The following ADGRA2 variants were observed in gnomAD, a reference collection of about 807,000 sequenced individuals.
ADGRA2 encodes the protein G-protein coupled receptor 124.
Under a neutral mutation model 98.7 loss-of-function variants are expected in ADGRA2, and 61 were observed. The ratio of observed to expected loss-of-function variants is 0.62; its 90% CI spans 0.50 to 0.76. The LOEUF (loss-of-function observed/expected upper bound fraction) is 0.76, where lower values mean the gene tolerates loss of function less well. Among genes scored for constraint, ADGRA2 ranks in the 30% least tolerant of loss-of-function variants. ADGRA2 has a pLI of 0.00. For synonymous variants in ADGRA2, 858 were observed against 831.5 expected (o/e 1.03, Z -0.55); for missense variants, 1,712 against 1,860.0 (o/e 0.92, Z 1.46).
chr8:37,826,128 G>A (rs1037164967), intron 2 of ADGRA2, among the ~76,000 whole-genome samples: 7 of 152,162 alleles, frequency 4.6e-5, no homozygotes, highest in South Asian at 2.1e-4. Flanking sequence ...ACAAGTGAGC[G>A]GGGAGGGAAG....
In ADGRA2 at chr8:37,844,345, G is replaced by A; in HGVS notation, c.*1990G>A. ...ACTCCTGACTTTACTCCAGGACCCA[G>A]GGTCCAACTAATGGCAGAGCCCCTC... On this transcript the variant is annotated 3_prime_UTR_variant, in exon 19 of 19. Coordinates refer to ENST00000412232, the MANE Select transcript of ADGRA2 (RefSeq NM_032777.10). 4.8e-6 allele frequency: 5 copies of A among 1,041,218 alleles called. 1 individual carries two copies. The South Asian group carries it at 7.9e-5, about 17-fold the overall frequency. The allele number at this position is 1,041,218 out of a possible 1,614,324, so 64.5% of individuals were successfully genotyped here. A position where few individuals can be genotyped will look rare whatever the true frequency, so the allele number is the denominator to read the frequency against.
chr8:37,837,675 G>A, intron 13 of ADGRA2, 56 bp from the exon 14 acceptor site: 1 of 1,439,270 alleles, frequency 6.9e-7, no homozygotes, highest in South Asian at 1.2e-5. Context: ...TCCCGGCTGA[G>A]CCCACCTCCC....
Position 37,841,159 on chromosome 8 carries a change from A to C in ADGRA2, c.2821A>C (p.Ile941Leu). 1 of 1,612,638 alleles carries C rather than the reference A, an allele frequency of 6.2e-7. No individual in the cohort carries two copies. The change falls in exon 19 of 19, where the codon ATC (isoleucine) becomes CTC (leucine). Residue 941 changes from isoleucine to leucine, a missense_variant. Physicochemically the swap from Ile to Leu is conservative, Grantham distance 5. Transcript: ENST00000412232. The surrounding 1 kb of genome is among the most constrained non-coding windows in gnomAD (Gnocchi z 5.0). ...GGCTTTGATTCTGCTCATCACCTGG[A>C]TCTATTTCCTGTGCGCCGGGCTACG... ...PVALILLITW[I>L]YFLCAGLRLR...
chr8:37,834,914 A>C lies in ADGRA2; in HGVS notation c.1609-260A>C, dbSNP rs1262427517. On this transcript the variant is annotated intron_variant, in intron 11 of 18. Coordinates refer to ENST00000412232, the MANE Select transcript of ADGRA2 (RefSeq NM_032777.10). The surrounding 1 kb of genome is among the most constrained non-coding windows in gnomAD (Gnocchi z 4.2). Reference sequence around the variant, plus strand: ...TGGTAGCATGCCTGTAGTCCCAGATACTCAGGAGGCTGAGGTGGGAGGATT... The same window carrying C: ...TGGTAGCATGCCTGTAGTCCCAGATCCTCAGGAGGCTGAGGTGGGAGGATT... Among the ~76,000 whole-genome samples the C allele has an allele frequency of 6.6e-6, 1 of 151,864 alleles. No individual in the cohort carries two copies. The highest frequency in any genetic ancestry group is 1.5e-5 in the Non-Finnish European group (1 of 67,954).
At chr8:37,838,820 G>A (rs1805696623) in intron 14 of ADGRA2, 136 bp from the exon 15 acceptor site, 2 of 1,053,728 alleles carry the variant, frequency 1.9e-6, no homozygotes, top group African/African-American at 1.6e-5. Context: ...ACAGCCCGAA[G>A]CTTTCCTCCC....
chr8:37,833,682 C>G lies in ADGRA2; in HGVS notation c.1297-6C>G. The G allele has an allele frequency of 3.1e-6, 5 of 1,613,726 alleles. No individual in the cohort carries two copies. Among genetic ancestry groups the G allele is most frequent in the Non-Finnish European group, 4.2e-6 (5 of 1,179,670 alleles). On this transcript the variant is annotated splice_polypyrimidine_tract_variant and splice_region_variant and intron_variant, in intron 9 of 18. Transcript: ENST00000412232. ...AGATGATCCTCTCTCTTCCCCCAAT[C>G]CCCAGATGCCCATCAATGCCTCCAA... is the stretch of plus-strand genomic sequence containing the variant.
chr8:37,840,979 GTCCTTGTC>G lies in ADGRA2; in HGVS notation c.2748-103_2748-96del, dbSNP rs1805773107. The G allele has an allele frequency of 2.3e-5, 29 of 1,267,752 alleles. 3 individuals carry two copies. The South Asian group carries it at 3.9e-4, about 17-fold the overall frequency. 78.5% of individuals were successfully genotyped at this position (1,267,752 alleles called of 1,614,324 possible). On this transcript the variant is annotated intron_variant, in intron 18 of 18. Coordinates refer to ENST00000412232, the MANE Select transcript of ADGRA2 (RefSeq NM_032777.10). ...CAAGCCCATGCATGCTGACCAAGCCGTCCTTGTCTCCGTACTCACCATATCCTGTCTCC... is the reference window on the plus strand; with the variant it reads ...CAAGCCCATGCATGCTGACCAAGCCGTCCGTACTCACCATATCCTGTCTCC...
At position 37,842,596 on chromosome 8, in the gene ADGRA2, C is replaced by T; in HGVS notation, c.*241C>T. On this transcript the variant is annotated 3_prime_UTR_variant, in exon 19 of 19. Transcript: ENST00000412232. ...CCCGGGGCAGTCTGACTGTCGGTGC[C>T]CTCCCAGGAACGGGGAAGGCCTCCG... The T allele has an allele frequency of 1.7e-6, 1 of 586,162 alleles. No homozygotes were observed. Among genetic ancestry groups the T allele is most frequent in the Non-Finnish European group, 2.6e-6 (1 of 390,426 alleles). 36.3% of individuals were successfully genotyped at this position (586,162 alleles called of 1,614,324 possible).
At chr8:37,811,751 T>C (rs956125488) in intron 1 of ADGRA2, among the ~76,000 whole-genome samples, 1 of 151,590 alleles carries the variant, frequency 6.6e-6, no homozygotes, top group Non-Finnish European at 1.5e-5. Context: ...TCTGGGATTA[T>C]AGGTGTGAGC....
chr8:37,827,563 G>C, intron 2 of ADGRA2, among the ~76,000 whole-genome samples: 1 of 152,248 alleles, frequency 6.6e-6, no homozygotes, highest in Non-Finnish European at 1.5e-5. Flanking sequence ...CTCCAGGCCA[G>C]GCTTGGCCCC....
rs769059050 is a variant in ADGRA2, at chr8:37,829,264, T to G, written c.414T>G (p.Asp138Glu). ...FLGLGELKRL[D>E]LSNNRIGCLT... ...GAGGTTGCCTGTGTCTCTCTAGAGA[T>G]CTCTCCAACAACCGGATTGGCTGTC... The change falls in exon 4 of 19, where the codon GAT becomes GAG. Residue 138 changes from aspartate to glutamate, a missense_variant. Coordinates refer to ENST00000412232, the MANE Select transcript of ADGRA2 (RefSeq NM_032777.10). 2.5e-6 allele frequency: 4 copies of G among 1,612,780 alleles called. No homozygotes were observed. In the Admixed American group the frequency reaches 5.0e-5, roughly 20 times the overall value.
chr8:37,844,725 G>A lies in ADGRA2; in HGVS notation c.*2370G>A, dbSNP rs1375445675. 1.2e-6 allele frequency: 2 copies of A among 1,614,058 alleles called. No individual in the cohort carries two copies. The highest frequency in any genetic ancestry group is 3.3e-5 in the Admixed American group (2 of 60,008). ...CCGCTTCCCCTGGGGTAAACCTAAG[G>A]AATTATTTCCCACCTCCCCTTCTCC... On this transcript the variant is annotated 3_prime_UTR_variant, in exon 19 of 19. Transcript: ENST00000412232.
At position 37,841,937 on chromosome 8, in the gene ADGRA2, G is replaced by C. The variant is rs1805812336; in HGVS notation, c.3599G>C (p.Arg1200Pro). The C allele has an allele frequency of 6.6e-7, 1 of 1,513,868 alleles. No homozygotes were observed. Among genetic ancestry groups the C allele is most frequent in the African/African-American group, 1.4e-5 (1 of 69,972 alleles). 93.8% of individuals were successfully genotyped at this position (1,513,868 alleles called of 1,614,324 possible). A position where few individuals can be genotyped will look rare whatever the true frequency, so the allele number is the denominator to read the frequency against. Residue 1200 changes from arginine to proline, a missense_variant, in exon 19 of 19, where the codon CGG (arginine) becomes CCG (proline). By Grantham distance (103) the Arg-to-Pro change is moderately radical. Transcript: ENST00000412232. This position sits in a 1 kb window ranked among gnomAD's most constrained non-coding sequence, Gnocchi z 5.0. ...HRAGEACGKN[R>P]LKALRGGAAG... ...GCGGGGGAGGCCTGCGGCAAGAACCGGCTCAAGGCCCTGCGCGGGGGCGCG... is the reference window on the plus strand; with the variant it reads ...GCGGGGGAGGCCTGCGGCAAGAACCCGCTCAAGGCCCTGCGCGGGGGCGCG...
intron 2 of ADGRA2, among the ~76,000 whole-genome samples, chr8:37,817,538 C>T (rs1482808531): frequency 1.3e-5 from 2 of 151,928 alleles, no homozygotes; most frequent in East Asian, 3.9e-4. Context: ...GACCCTGTCT[C>T]TAGAAAAAAT....
At position 37,835,721 on chromosome 8, in the gene ADGRA2, G is replaced by A. The variant is rs748707787; in HGVS notation, c.2001G>A (p.Gly667=). Residue 667 remains glycine, a synonymous_variant, in exon 13 of 19, where the codon GGG becomes GGA. Transcript: ENST00000412232. ...HSNTSRPGAA[G]PGKRRGVATP... ...ACACCTCCCGCCCTGGAGCTGCTGGGCCTGGCAAGAGGCGTGGCGTGGCCA... is the reference window on the plus strand; with the variant it reads ...ACACCTCCCGCCCTGGAGCTGCTGGACCTGGCAAGAGGCGTGGCGTGGCCA... 1.5e-5 allele frequency: 24 copies of A among 1,613,904 alleles called. No homozygotes were observed. In the Admixed American group the frequency reaches 3.8e-4, roughly 26 times the overall value.
chr8:37,835,912 C>T, intron 13 of ADGRA2, 142 bp downstream of exon 13: 2 of 632,964 alleles, frequency 3.2e-6, no homozygotes, highest in Non-Finnish European at 5.7e-6. Flanking sequence ...CACCTTTTCC[C>T]AACAGGGCAG....
At chr8:37,827,971 CAA>C (rs1317773220) in intron 2 of ADGRA2, among the ~76,000 whole-genome samples, 2 of 146,788 alleles carry the variant, frequency 1.4e-5, no homozygotes, top group Non-Finnish European at 3.0e-5. Context: ...CTGTCTCTAC[CAA>C]AAAAAATTTT....
At position 37,830,640 on chromosome 8, in the gene ADGRA2, ACT is replaced by A. The variant is rs1805425473; in HGVS notation, c.719-66_719-65del. 5.3e-6 allele frequency: 2 copies of A among 380,512 alleles called. No homozygotes were observed. The highest frequency in any genetic ancestry group is 3.7e-5 in the South Asian group (2 of 54,360). 23.6% of individuals were successfully genotyped at this position (380,512 alleles called of 1,614,324 possible). ...GCCCCGCCCCACCCCATCCTGCTGGACTCTCGCTCACACGTGCAGCCTCACAT... is the reference window on the plus strand; with the variant it reads ...GCCCCGCCCCACCCCATCCTGCTGGACTCGCTCACACGTGCAGCCTCACAT... On this transcript the variant is annotated intron_variant, in intron 6 of 18. Transcript: ENST00000412232. The surrounding 1 kb of genome is among the most constrained non-coding windows in gnomAD (Gnocchi z 4.8).
intron 9 of ADGRA2, 150 bp from the exon 10 acceptor site, chr8:37,833,538 C>CT (rs914068990): frequency 1.3e-6 from 1 of 764,986 alleles, no homozygotes; most frequent in Non-Finnish European, 2.1e-6. Flanking sequence ...TCTCAGCCTC[C>CT]TCTGCCCTCC....
Sources: allele counts gnomAD v4.1 joint callset (sites outside exome capture counted in the v4.1 genomes callset), GRCh38; gene constraint gnomAD v4.1.1; non-coding constraint Gnocchi (gnomAD v3.1); transcripts MANE v1.5; gene names NCBI Gene and HGNC (gene_info 2026-07-23, HGNC 2026-07-21).